The following USP48 variants were observed in gnomAD, a reference collection of about 807,000 sequenced individuals.
USP48 encodes ubiquitin specific peptidase 48.
Under a neutral mutation model 150.7 loss-of-function variants are expected in USP48, and 43 were observed. The ratio of observed to expected loss-of-function variants is 0.29; its 90% CI spans 0.22 to 0.37. The LOEUF (loss-of-function observed/expected upper bound fraction) is 0.37. USP48 is among the 10% of genes least tolerant of loss of function. USP48 has a pLI of 1.00. For missense variants in USP48, 813 were observed against 1,249.6 expected (o/e 0.65, Z 5.27); for synonymous variants, 396 against 425.9 (o/e 0.93, Z 0.86).
intron 8 of USP48, among the ~76,000 whole-genome samples, chr1:21,736,953 G>A (rs1463836269): frequency 6.6e-6 from 1 of 152,122 alleles, no homozygotes; most frequent in East Asian, 1.9e-4. Context: ...GAGGCCACAC[G>A]CTTCCCAAGA....
At chr1:21,728,522 A>T in intron 11 of USP48, 48 bp downstream of exon 11, 2 of 1,575,076 alleles carry the variant, frequency 1.3e-6, no homozygotes, top group Non-Finnish European at 1.7e-6. Context: ...AACATAAAAA[A>T]ACAAGGCACT....
chr1:21,693,618 G>A (rs1412153376), intron 23 of USP48, among the ~76,000 whole-genome samples: 3 of 152,208 alleles, frequency 2.0e-5, no homozygotes, highest in Non-Finnish European at 2.9e-5. Flanking sequence ...AAAAATTGTA[G>A]TCCATAATAA....
At chr1:21,719,896 T>TA (rs2097715386) in intron 14 of USP48, among the ~76,000 whole-genome samples, 1 of 151,640 alleles carries the variant, frequency 6.6e-6, no homozygotes, top group Non-Finnish European at 1.5e-5. Flanking sequence ...AATAAATAAA[T>TA]AAATAAAATA....
chr1:21,724,689 A>C (rs2152547824), intron 11 of USP48: 1 of 153,638 alleles, frequency 6.5e-6, no homozygotes, highest in East Asian at 1.9e-4. Context: ...CCCAAATCCA[A>C]GTCATGATCT....
chr1:21,699,202 T>G (rs1571749515), intron 22 of USP48, among the ~76,000 whole-genome samples: 3 of 139,464 alleles, frequency 2.2e-5, no homozygotes, highest in African/African-American at 7.9e-5. Context: ...ATTTTTTTTT[T>G]TTTTTTTTTT....
chr1:21,698,609 A>C (rs1483904057), intron 22 of USP48, among the ~76,000 whole-genome samples: 1 of 152,268 alleles, frequency 6.6e-6, no homozygotes, highest in East Asian at 1.9e-4. Context: ...CAGTAAGAAC[A>C]TTGTGTCAAG....
At chr1:21,766,840 G>A (rs915711496) in intron 1 of USP48, among the ~76,000 whole-genome samples, 2 of 152,004 alleles carry the variant, frequency 1.3e-5, no homozygotes, top group African/African-American at 4.8e-5. Context: ...TGAGTCGAGT[G>A]GATAACTTGA....
chr1:21,782,732 G>A (rs1440207241), intron 1 of USP48, 92 bp downstream of exon 1: 3 of 1,413,630 alleles, frequency 2.1e-6, no homozygotes, highest in African/African-American at 1.5e-5. Flanking sequence ...CCAAATGCAC[G>A]CAAAGGGCTG....
intron 3 of USP48, among the ~76,000 whole-genome samples, chr1:21,753,700 A>T (rs1214375233): frequency 6.6e-6 from 1 of 151,248 alleles, no homozygotes; most frequent in Non-Finnish European, 1.5e-5. Flanking sequence ...GGTGGCGAGC[A>T]CCTGTAATCC....
At chr1:21,768,159 A>C (rs1380964201) in intron 1 of USP48, 4 of 151,740 alleles carry the variant, frequency 2.6e-5, no homozygotes, top group African/African-American at 7.3e-5. Flanking sequence ...GTGAGCTGAG[A>C]TTGCACCACT....
At position 21,736,498 on chromosome 1, in the gene USP48, G is replaced by A; in HGVS notation, c.1119C>T (p.Asp373=). ...ATTTCTTCCCCTCCATCTTTTCTATGTCTTCATCATTAAACTTATACCATT... is the reference window on the plus strand; with the variant it reads ...ATTTCTTCCCCTCCATCTTTTCTATATCTTCATCATTAAACTTATACCATT... ...SGEWYKFNDE[D]IEKMEGKKLQ... is the part of the protein sequence containing the mutation. The change falls in exon 9 of 27, where the codon GAC becomes GAT. Residue 373 remains aspartate (D), a synonymous_variant. Coordinates refer to ENST00000308271, the MANE Select transcript of USP48 (RefSeq NM_032236.8). The A allele has an allele frequency of 6.2e-7, 1 of 1,610,836 alleles. No homozygotes were observed. The highest frequency in any genetic ancestry group is 8.5e-7 in the Non-Finnish European group (1 of 1,178,878).
chr1:21,709,132 T>A (rs973611426), intron 15 of USP48, among the ~76,000 whole-genome samples: 7 of 151,974 alleles, frequency 4.6e-5, no homozygotes, highest in Non-Finnish European at 7.4e-5. Context: ...GCAACCGTCC[T>A]ACCTCAGCCT....
At chr1:21,699,762 C>T (rs562628651) in intron 22 of USP48, among the ~76,000 whole-genome samples, 43 of 151,952 alleles carry the variant, frequency 2.8e-4, no homozygotes, top group Admixed American at 9.2e-4. Context: ...GTGATCCACC[C>T]GCCTCGGCCT....
chr1:21,747,999 A>C, intron 7 of USP48, 139 bp downstream of exon 7: 1 of 911,894 alleles, frequency 1.1e-6, no homozygotes, highest in Non-Finnish European at 1.5e-6. Context: ...CGACATTTCA[A>C]AATGACAGCC....
At chr1:21,778,341 C>A (rs1314347636) in intron 1 of USP48, among the ~76,000 whole-genome samples, 1 of 152,024 alleles carries the variant, frequency 6.6e-6, no homozygotes, top group African/African-American at 2.4e-5. Flanking sequence ...GACACCACTT[C>A]GCACCCACTA....
chr1:21,762,451 G>A (rs1392231490), intron 1 of USP48, among the ~76,000 whole-genome samples: 1 of 152,186 alleles, frequency 6.6e-6, no homozygotes, highest in Non-Finnish European at 1.5e-5. Flanking sequence ...TAACCATGGT[G>A]AAAATATACC....
intron 1 of USP48, among the ~76,000 whole-genome samples, chr1:21,767,339 C>T (rs1170693549): frequency 2.0e-5 from 3 of 151,808 alleles, no homozygotes; most frequent in East Asian, 1.9e-4. Context: ...TTTTTTGAGA[C>T]GGTGTCTCGC....
intron 1 of USP48, among the ~76,000 whole-genome samples, chr1:21,760,228 A>G (rs1198354887): frequency 6.6e-6 from 1 of 152,268 alleles, no homozygotes; most frequent in African/African-American, 2.4e-5. Flanking sequence ...AAGGAAACCA[A>G]AGAGACACAA....
chr1:21,776,016 G>T lies in USP48; in HGVS notation c.134+6808C>A, dbSNP rs191833227. Among the ~76,000 whole-genome samples, 42 of 152,264 alleles carry T rather than the reference G, an allele frequency of 2.8e-4. 1 individual carries two copies. Among genetic ancestry groups the T allele is most frequent in the African/African-American group, 9.1e-4 (38 of 41,560 alleles). On this transcript the variant is annotated intron_variant, in intron 1 of 26. Coordinates refer to ENST00000308271, the MANE Select transcript of USP48 (RefSeq NM_032236.8). ...TGACTAACACATTATGTTGGTGAGG[G>T]TATGATGTATATGTAAGATACTCTT... is the stretch of plus-strand genomic sequence containing the variant.
Sources: gnomAD v4.1 joint callset for allele counts (sites outside exome capture counted in the v4.1 genomes callset) on GRCh38, gnomAD v4.1.1 for gene constraint, MANE v1.5 for transcripts, NCBI Gene and HGNC (gene_info 2026-07-23, HGNC 2026-07-21) for gene names.